The following CCDC171 variants were observed in gnomAD, a reference collection of about 807,000 sequenced individuals.
CCDC171 encodes coiled-coil domain containing 171.
Under a neutral mutation model 168.2 loss-of-function variants are expected in CCDC171, and 177 were observed. The observed-to-expected ratio is 1.05, with a 90% confidence interval of 0.93 to 1.19. The LOEUF (loss-of-function observed/expected upper bound fraction) is 1.19, where lower values mean the gene tolerates loss of function less well. CCDC171 is among the 50% of genes most tolerant of loss of function. The probability of loss-of-function intolerance (pLI) is 0.00; values close to 1 mark genes in which losing one functional copy is unlikely to be tolerated. For synonymous variants in CCDC171, 687 were observed against 540.8 expected, an observed-to-expected ratio of 1.27 and a Z score of -3.75; for missense variants, 1,991 against 1,539.0, an observed-to-expected ratio of 1.29 and a Z score of -4.91.
At chr9:16,072,273 A>T in the CCDC171 span, among the ~76,000 whole-genome samples, 1 of 152,134 alleles carries the variant, frequency 6.6e-6, no homozygotes, top group African/African-American at 2.4e-5. Context: ...GCATGTTGAG[A>T]TCAGTGTAAC....
chr9:16,038,865 C>A (rs1261631229), upstream of CCDC171, among the ~76,000 whole-genome samples: 5 of 72,124 alleles, frequency 6.9e-5, no homozygotes, highest in Admixed American at 1.8e-4. Context: ...ACCTATCAGG[C>A]CAAAAAAAAA....
chr9:15,579,237 A>C (rs1238737398), intron 4 of CCDC171, among the ~76,000 whole-genome samples: 3 of 152,262 alleles, frequency 2.0e-5, no homozygotes, highest in Non-Finnish European at 2.9e-5. Flanking sequence ...TATGCTGTGC[A>C]TATATGGAAA....
At chr9:16,103,024 A>G in the CCDC171 span, among the ~76,000 whole-genome samples, 1 of 152,210 alleles carries the variant, frequency 6.6e-6, no homozygotes, top group Non-Finnish European at 1.5e-5. Flanking sequence ...CAGGTAATGC[A>G]ATTGCTCTTC....
intron 16 of CCDC171, 127 bp from the exon 17 acceptor site, chr9:15,744,146 T>C: frequency 2.8e-6 from 2 of 725,858 alleles, no homozygotes; most frequent in Non-Finnish European, 4.4e-6. Flanking sequence ...TTGGATATTT[T>C]AGCACATGTA....
At chr9:16,095,491 A>G in the CCDC171 span, among the ~76,000 whole-genome samples, 1 of 150,136 alleles carries the variant, frequency 6.7e-6, no homozygotes, top group African/African-American at 2.5e-5. Context: ...TTTTCTCTAT[A>G]TCTCTCTTTC....
At chr9:15,943,774 G>A (rs1330385042) in intron 25 of CCDC171, among the ~76,000 whole-genome samples, 1 of 152,034 alleles carries the variant, frequency 6.6e-6, no homozygotes, top group Non-Finnish European at 1.5e-5. Context: ...GCATAATGAA[G>A]AGTTGCTGAT....
chr9:15,623,115 A>C (rs942610340), intron 6 of CCDC171, 152 bp from the exon 7 acceptor site: 7 of 449,978 alleles, frequency 1.6e-5, no homozygotes, highest in Non-Finnish European at 2.7e-5. Flanking sequence ...TGAAACATTG[A>C]TGGAAAATAT....
intron 11 of CCDC171, among the ~76,000 whole-genome samples, chr9:15,717,245 G>A (rs2053151570): frequency 6.6e-6 from 1 of 152,222 alleles, no homozygotes; most frequent in Non-Finnish European, 1.5e-5. Context: ...ACAGTGGAAA[G>A]CAACACTGAG....
intron 21 of CCDC171, among the ~76,000 whole-genome samples, chr9:15,843,243 A>T (rs1299649114): frequency 2.0e-5 from 3 of 152,112 alleles, no homozygotes; most frequent in Non-Finnish European, 4.4e-5. Context: ...TCATTTTGGG[A>T]TACCATTGTA....
chr9:15,849,854 G>C (rs2130796999), intron 23 of CCDC171, among the ~76,000 whole-genome samples: 1 of 151,742 alleles, frequency 6.6e-6, no homozygotes, highest in East Asian at 1.9e-4. Context: ...CAAACTAATA[G>C]TTAATGCATT....
At position 15,920,338 on chromosome 9, in the gene CCDC171, A is replaced by G; in HGVS notation, c.3669A>G (p.Glu1223=). 2 of 1,609,460 alleles carry G rather than the reference A, an allele frequency of 1.2e-6. No homozygotes were observed. Among genetic ancestry groups the G allele is most frequent in the Non-Finnish European group, 1.7e-6 (2 of 1,176,790 alleles). The part of the protein sequence containing the change: ...ASTRIMTLEK[E]MTSHRSHIAA... The stretch of plus-strand genomic sequence containing the variant: ...CTAGAATCATGACATTAGAGAAGGA[A>G]ATGACATCTCATCGAAGTCACATTG... The change falls in exon 25 of 26, where the codon GAA becomes GAG. Residue 1223 remains glutamate (E), a synonymous_variant. Coordinates refer to ENST00000380701, the MANE Select transcript of CCDC171 (RefSeq NM_173550.4).
intron 25 of CCDC171, among the ~76,000 whole-genome samples, chr9:15,967,174 T>A (rs1830882070): frequency 6.6e-6 from 1 of 152,146 alleles, no homozygotes; most frequent in Non-Finnish European, 1.5e-5. Flanking sequence ...TTTGTGACAC[T>A]GAGTATTGAG....
At chr9:16,060,300 G>A (rs1833913218) in intron 1 of CCDC171, among the ~76,000 whole-genome samples, 2 of 152,178 alleles carry the variant, frequency 1.3e-5, no homozygotes, top group African/African-American at 4.8e-5. Context: ...TCTGAGTGGA[G>A]GTGAGGAAAA....
intron 21 of CCDC171, among the ~76,000 whole-genome samples, chr9:15,799,286 T>A (rs2058707750): frequency 6.6e-6 from 1 of 151,032 alleles, no homozygotes; most frequent in African/African-American, 2.4e-5. Flanking sequence ...TCGAAAGGTG[T>A]TCAGTATAGA....
chr9:15,692,718 G>A lies in CCDC171; in HGVS notation c.1216-2517G>A, dbSNP rs551686571. Among the ~76,000 whole-genome samples the A allele has an allele frequency of 2.0e-5, 3 of 151,602 alleles. No homozygotes were observed. In the East Asian group the frequency reaches 6.0e-4, roughly 30 times the overall value. On this transcript the variant is annotated intron_variant, in intron 10 of 25. Coordinates refer to ENST00000380701, the MANE Select transcript of CCDC171 (RefSeq NM_173550.4). ...AATTTTTTGTATATTTAGTAGAGAC[G>A]GGGTTTCACTGTGTTAGCCCGTATG...
intron 7 of CCDC171, among the ~76,000 whole-genome samples, chr9:15,631,436 T>G (rs551220123): frequency 6.6e-6 from 1 of 152,172 alleles, no homozygotes; most frequent in African/African-American, 2.4e-5. Context: ...AATTGATAGA[T>G]TCTTGGACAC....
At chr9:15,924,358 T>C (rs905136133) in intron 25 of CCDC171, among the ~76,000 whole-genome samples, 4 of 151,108 alleles carry the variant, frequency 2.6e-5, no homozygotes, top group African/African-American at 7.3e-5. Flanking sequence ...AAAATGGGGT[T>C]AATGATATTG....
At chr9:16,018,844 T>C (rs1462571912) in intron 3 of CCDC171, among the ~76,000 whole-genome samples, 2 of 152,246 alleles carry the variant, frequency 1.3e-5, no homozygotes, top group African/African-American at 4.8e-5. Flanking sequence ...GAGGGCCTTT[T>C]TTCAGAGATG....
At chr9:16,081,833 G>A in the CCDC171 span, among the ~76,000 whole-genome samples, 1 of 151,360 alleles carries the variant, frequency 6.6e-6, no homozygotes, top group South Asian at 2.1e-4. Flanking sequence ...CAGTTAAAGT[G>A]TTTACTTCTT....
Sources: allele counts gnomAD v4.1 joint callset (sites outside exome capture counted in the v4.1 genomes callset), GRCh38; gene constraint gnomAD v4.1.1; transcripts MANE v1.5; gene names NCBI Gene and HGNC (gene_info 2026-07-23, HGNC 2026-07-21).